Variants in KLHL40 observed in about 807,000 individuals in gnomAD.
The protein encoded by KLHL40 is kelch-like protein 40.
KLHL40 carries 44 observed loss-of-function variants against 49.7 expected under a neutral mutation model. The observed-to-expected ratio is 0.89, with a 90% CI of 0.70 to 1.14. The LOEUF (loss-of-function observed/expected upper bound fraction) is 1.14, where lower values mean the gene tolerates loss of function less well. Among genes scored for constraint, KLHL40 ranks in the 50% most tolerant of loss-of-function variants. KLHL40 has a pLI of 0.00. For synonymous variants in KLHL40, 409 were observed against 365.2 expected, an observed-to-expected ratio of 1.12 and a Z score of -1.37; for missense variants, 892 against 850.3, an observed-to-expected ratio of 1.05 and a Z score of -0.61.
chr3:42,691,847 T>G (rs934431858), intron 5 of KLHL40, 35 bp from the exon 6 acceptor site: 2 of 1,389,756 alleles, frequency 1.4e-6, no homozygotes, highest in Non-Finnish European at 2.0e-6. Context: ...CTGACCAAGC[T>G]CTCCATCCTT....
chr3:42,692,225 G>T lies in KLHL40; in HGVS notation c.*232G>T, dbSNP rs1268431320. 9.4e-6 allele frequency: 5 copies of T among 531,962 alleles called. No individual in the cohort carries two copies. Among genetic ancestry groups the T allele is most frequent in the Non-Finnish European group, 1.7e-5 (5 of 296,480 alleles). The allele number at this position is 531,962 out of a possible 1,614,324, so 33.0% of individuals were successfully genotyped here. A position where few individuals can be genotyped will look rare whatever the true frequency, so the allele number is the denominator to read the frequency against. ...CAGTGTTGCCATATCCCCCTAGGTT[G>T]TCTTGATCCATGAACCAGAACCACA... On this transcript the variant is annotated 3_prime_UTR_variant, in exon 6 of 6. Coordinates refer to ENST00000287777, the MANE Select transcript of KLHL40 (RefSeq NM_152393.4).
rs1391145273 is a variant in KLHL40, at chr3:42,692,166, C to T, written c.*173C>T. The T allele has an allele frequency of 1.0e-5, 6 of 594,198 alleles. No individual in the cohort carries two copies. In the Middle Eastern group the frequency reaches 1.3e-3, roughly 132 times the overall value. 36.8% of individuals were successfully genotyped at this position (594,198 alleles called of 1,614,324 possible). The stretch of plus-strand genomic sequence containing the variant: ...AAGGGAAGTGCTGCTTAGTCCTGGA[C>T]TTTTGGGCAAGGGTGAGAAACTAGA... On this transcript the variant is annotated 3_prime_UTR_variant, in exon 6 of 6. Coordinates refer to ENST00000287777, the MANE Select transcript of KLHL40 (RefSeq NM_152393.4).
At position 42,686,041 on chromosome 3, in the gene KLHL40, CCTGCTCG is replaced by C; in HGVS notation, c.424_430del (p.Leu142ThrfsTer55). Reference sequence around the variant, plus strand: ...GCTTGGCCGTCTTCCGTCTCGGCCTCCTGCTCGACTGCGCGCGTCTCGCCGTGGCTGC... The same window carrying C: ...GCTTGGCCGTCTTCCGTCTCGGCCTCACTGCGCGCGTCTCGCCGTGGCTGC... On this transcript the variant is annotated frameshift_variant, in exon 1 of 6. Transcript: ENST00000287777. LOFTEE classifies it high-confidence loss of function. 1 of 1,608,204 alleles carries C rather than the reference CCTGCTCG, an allele frequency of 6.2e-7. No individual in the cohort carries two copies. Among genetic ancestry groups the C allele is most frequent in the African/African-American group, 1.3e-5 (1 of 75,056 alleles).
rs1697363905 is a variant in KLHL40 at position 42,691,360 on chromosome 3, C to A, written c.1754+355C>A. ...GGTGCTTGGTCTGGAGGGAGGGCTGCCACTAGGGCTGGGAAACAGTTGGAG... is the reference window on the plus strand; with the variant it reads ...GGTGCTTGGTCTGGAGGGAGGGCTGACACTAGGGCTGGGAAACAGTTGGAG... On this transcript the variant is annotated intron_variant, in intron 5 of 5. Coordinates refer to ENST00000287777, the MANE Select transcript of KLHL40 (RefSeq NM_152393.4). Among the ~76,000 whole-genome samples the A allele has an allele frequency of 3.9e-5, 6 of 152,186 alleles. 1 individual carries two copies. The South Asian group carries it at 1.2e-3, about 32-fold the overall frequency.
At position 42,685,631 on chromosome 3, in the gene KLHL40, T is replaced by C. The variant is rs780397905; in HGVS notation, c.13T>C (p.Leu5=). The C allele has an allele frequency of 1.2e-4, 193 of 1,599,694 alleles. No homozygotes were observed. The highest frequency in any genetic ancestry group is 1.6e-4 in the Non-Finnish European group (190 of 1,173,352). Residue 5 remains leucine (L), a synonymous_variant, in exon 1 of 6, where the codon TTG becomes CTG. Coordinates refer to ENST00000287777, the MANE Select transcript of KLHL40 (RefSeq NM_152393.4). MALG[L]EQAEEQRLYQ... is the part of the protein sequence containing the mutation. ...TAGGCCACCCACCATGGCGCTGGGCTTGGAGCAGGCGGAGGAGCAGCGGTT... is the reference window on the plus strand; with the variant it reads ...TAGGCCACCCACCATGGCGCTGGGCCTGGAGCAGGCGGAGGAGCAGCGGTT...
Position 42,685,745 on chromosome 3 carries a change from G to C in KLHL40, c.127G>C (p.Glu43Gln). 1 of 1,612,698 alleles carries C rather than the reference G, an allele frequency of 6.2e-7. No homozygotes were observed. The highest frequency in any genetic ancestry group is 1.1e-5 in the South Asian group (1 of 91,072). The change falls in exon 1 of 6, where the codon GAG becomes CAG. Residue 43 changes from glutamate (E) to glutamine (Q), a missense_variant. Coordinates refer to ENST00000287777, the MANE Select transcript of KLHL40 (RefSeq NM_152393.4). Reference protein sequence around the residue: ...LDCVVRAGEREFPCHRLVLAA... With the variant: ...LDCVVRAGERQFPCHRLVLAA... ...CTGTGTGGTGCGGGCGGGCGAGCGCGAGTTCCCGTGCCATCGCCTGGTGCT... is the reference window on the plus strand; with the variant it reads ...CTGTGTGGTGCGGGCGGGCGAGCGCCAGTTCCCGTGCCATCGCCTGGTGCT...
rs1697300469 is a variant in KLHL40, at chr3:42,688,106, T to G, written c.1153-36T>G. 2.5e-6 allele frequency: 4 copies of G among 1,607,340 alleles called. No individual in the cohort carries two copies. Among genetic ancestry groups the G allele is most frequent in the African/African-American group, 2.7e-5 (2 of 73,132 alleles). ...TGGGGCTGGGCTGAGGCTGGGGGAG[T>G]GGGGGGCGGTAGCTGACTGGACACC... On this transcript the variant is annotated intron_variant, in intron 1 of 5. Coordinates refer to ENST00000287777, the MANE Select transcript of KLHL40 (RefSeq NM_152393.4). This position sits in a 1 kb window ranked among gnomAD's most constrained non-coding sequence, Gnocchi z 4.2.
chr3:42,691,904 T>C lies in KLHL40; in HGVS notation c.1777T>C (p.Trp593Arg). Residue 593 changes from tryptophan to arginine, a missense_variant, in exon 6 of 6, where the codon TGG becomes CGG. Trp to Arg is a moderately radical substitution (Grantham distance 101). Coordinates refer to ENST00000287777, the MANE Select transcript of KLHL40 (RefSeq NM_152393.4). The stretch of plus-strand genomic sequence containing the variant: ...CAGGTATAACGAGGAGGAGAAGAAA[T>C]GGGAGGGTGTCCTGCGGGAGATCGC... Reference protein sequence around the residue: ...IWRYNEEEKKWEGVLREIAYA... With the variant: ...IWRYNEEEKKREGVLREIAYA... 1 of 1,612,860 alleles carries C rather than the reference T, an allele frequency of 6.2e-7. No individual in the cohort carries two copies. The highest frequency in any genetic ancestry group is 8.5e-7 in the Non-Finnish European group (1 of 1,178,900).
chr3:42,685,562 G>A lies in KLHL40; in HGVS notation c.-57G>A, dbSNP rs1697254424. The A allele has an allele frequency of 2.7e-6, 4 of 1,484,518 alleles. No homozygotes were observed. Among genetic ancestry groups the A allele is most frequent in the Middle Eastern group, 1.8e-4 (1 of 5,482 alleles). The allele number at this position is 1,484,518 out of a possible 1,614,324, so 92.0% of individuals were successfully genotyped here. A position where few individuals can be genotyped will look rare whatever the true frequency, so the allele number is the denominator to read the frequency against. The stretch of plus-strand genomic sequence containing the variant: ...AGTCTAAGCAAACCCCAGCAGGAAA[G>A]CAGGGGTACAGAGAGGAGCCCCCTT... On this transcript the variant is annotated 5_prime_UTR_variant, in exon 1 of 6. Coordinates refer to ENST00000287777, the MANE Select transcript of KLHL40 (RefSeq NM_152393.4).
chr3:42,689,163 C>A lies in KLHL40; in HGVS notation c.1607+109C>A, dbSNP rs563848876. On this transcript the variant is annotated intron_variant, in intron 4 of 5. Transcript: ENST00000287777. ...TTGGGTCTCCAGTGTTGACTTTGGA[C>A]ATCAGTATAGAAATAGGCTTTCTCT... 7.7e-5 allele frequency: 73 copies of A among 951,978 alleles called. No homozygotes were observed. The African/African-American group carries it at 1.1e-3, about 14-fold the overall frequency. 59.0% of individuals were successfully genotyped at this position (951,978 alleles called of 1,614,324 possible).
chr3:42,685,858 C>A lies in KLHL40; in HGVS notation c.240C>A (p.Asp80Glu), dbSNP rs1216266204. 6.2e-7 allele frequency: 1 copy of A among 1,613,156 alleles called. No homozygotes were observed. Among genetic ancestry groups the A allele is most frequent in the Admixed American group, 1.7e-5 (1 of 60,032 alleles). ...TGCACCTGGAGGAGGTGTCCCCGGACGTGGTGGCCCAGGTGCTGCACTACC... is the reference window on the plus strand; with the variant it reads ...TGCACCTGGAGGAGGTGTCCCCGGAAGTGGTGGCCCAGGTGCTGCACTACC... ...GELHLEEVSP[D>E]VVAQVLHYLY... The change falls in exon 1 of 6, where the codon GAC (aspartate) becomes GAA (glutamate). Residue 80 changes from aspartate to glutamate, a missense_variant. Asp to Glu is a conservative substitution (Grantham distance 45). Transcript: ENST00000287777.
In KLHL40 at chr3:42,688,190, C is replaced by A; in HGVS notation, c.1201C>A (p.Pro401Thr). ...EWLGMPPLPS[P>T]RCLFGLGEAL... Reference sequence around the variant, plus strand: ...GCTGGGGATGCCACCGCTGCCCTCGCCCCGCTGCCTCTTTGGCCTGGGAGA... The same window carrying A: ...GCTGGGGATGCCACCGCTGCCCTCGACCCGCTGCCTCTTTGGCCTGGGAGA... The change falls in exon 2 of 6, where the codon CCC becomes ACC. Residue 401 changes from proline to threonine, a missense_variant. By Grantham distance (38) the Pro-to-Thr change is conservative. Coordinates refer to ENST00000287777, the MANE Select transcript of KLHL40 (RefSeq NM_152393.4). The surrounding 1 kb of genome is among the most constrained non-coding windows in gnomAD (Gnocchi z 4.2). The A allele has an allele frequency of 6.2e-7, 1 of 1,613,856 alleles. No homozygotes were observed. Among genetic ancestry groups the A allele is most frequent in the Non-Finnish European group, 8.5e-7 (1 of 1,180,010 alleles).
In KLHL40 at chr3:42,686,391, A is replaced by C. The variant is rs539725863; in HGVS notation, c.773A>C (p.Lys258Thr). Residue 258 changes from lysine (K) to threonine (T), a missense_variant, in exon 1 of 6, where the codon AAG (lysine) becomes ACG (threonine). Transcript: ENST00000287777. ...TTGCTGCGCAAGGTGCAGATGGTGA[A>C]GGATGCACACGAGGGCCGCATCACC... Reference protein sequence around the residue: ...PELLRKVQMVKDAHEGRITTL... With the variant: ...PELLRKVQMVTDAHEGRITTL... 7.4e-6 allele frequency: 12 copies of C among 1,613,546 alleles called. No individual in the cohort carries two copies. The highest frequency in any genetic ancestry group is 1.0e-5 in the Non-Finnish European group (12 of 1,179,972).
rs547599401 is a variant in KLHL40, at chr3:42,692,145, G to T, written c.*152G>T. The T allele has an allele frequency of 4.2e-5, 26 of 621,160 alleles. No homozygotes were observed. Among genetic ancestry groups the T allele is most frequent in the Admixed American group, 1.3e-4 (5 of 37,932 alleles). 38.5% of individuals were successfully genotyped at this position (621,160 alleles called of 1,614,324 possible). A position where few individuals can be genotyped will look rare whatever the true frequency, so the allele number is the denominator to read the frequency against. On this transcript the variant is annotated 3_prime_UTR_variant, in exon 6 of 6. Coordinates refer to ENST00000287777, the MANE Select transcript of KLHL40 (RefSeq NM_152393.4). ...AGGGGCTGCGTCAGCCAAGGAAAGG[G>T]AAGTGCTGCTTAGTCCTGGACTTTT... is the stretch of plus-strand genomic sequence containing the variant.
At chr3:42,690,513 G>C (rs1026706526) in intron 4 of KLHL40, among the ~76,000 whole-genome samples, 2 of 152,168 alleles carry the variant, frequency 1.3e-5, no homozygotes, top group Non-Finnish European at 2.9e-5. Context: ...GGGGCAAAAG[G>C]ACTGCGTCCA....
rs757050558 is a variant in KLHL40 at position 42,688,839 on chromosome 3, C to A, written c.1422-30C>A. Reference sequence around the variant, plus strand: ...GAGGCGTGGCTGGGCTCCTGCTTCTCTCCACCCATCCCCACCCTCCACCCC... The same window carrying A: ...GAGGCGTGGCTGGGCTCCTGCTTCTATCCACCCATCCCCACCCTCCACCCC... On this transcript the variant is annotated intron_variant, in intron 3 of 5. Transcript: ENST00000287777. This position sits in a 1 kb window ranked among gnomAD's most constrained non-coding sequence, Gnocchi z 4.2. 3.7e-6 allele frequency: 6 copies of A among 1,607,606 alleles called. No homozygotes were observed. Among genetic ancestry groups the A allele is most frequent in the Non-Finnish European group, 5.1e-6 (6 of 1,174,534 alleles).
At position 42,686,030 on chromosome 3, in the gene KLHL40, C is replaced by T. The variant is rs752541165; in HGVS notation, c.412C>T (p.Arg138Cys). 18 of 1,609,080 alleles carry T rather than the reference C, an allele frequency of 1.1e-5. No homozygotes were observed. Among genetic ancestry groups the T allele is most frequent in the Non-Finnish European group, 1.5e-5 (18 of 1,179,958 alleles). ...CCTCTCCAACTGCTTGGCCGTCTTCCGTCTCGGCCTCCTGCTCGACTGCGC... is the reference window on the plus strand; with the variant it reads ...CCTCTCCAACTGCTTGGCCGTCTTCTGTCTCGGCCTCCTGCTCGACTGCGC... The part of the protein sequence containing the change: ...LCLSNCLAVF[R>C]LGLLLDCARL... Residue 138 changes from arginine to cysteine, a missense_variant, in exon 1 of 6, where the codon CGT becomes TGT. By Grantham distance (180) the Arg-to-Cys change is radical (BLOSUM62 -3). Transcript: ENST00000287777.
In KLHL40 at chr3:42,688,971, T is replaced by C. The variant is rs1218296322; in HGVS notation, c.1524T>C (p.His508=). 3 of 1,614,162 alleles carry C rather than the reference T, an allele frequency of 1.9e-6. No homozygotes were observed. Among genetic ancestry groups the C allele is most frequent in the Non-Finnish European group, 2.5e-6 (3 of 1,179,992 alleles). The change falls in exon 4 of 6, where the codon CAT becomes CAC. Residue 508 remains histidine, a synonymous_variant. Transcript: ENST00000287777. The surrounding 1 kb of genome is among the most constrained non-coding windows in gnomAD (Gnocchi z 4.2). ...TARSLFGATV[H]DGRIIVAAGV... ...GCTCACTCTTTGGGGCCACTGTCCA[T>C]GATGGCCGCATTATCGTGGCAGCTG...
rs762299711 is a variant in KLHL40 at position 42,686,758 on chromosome 3, A to G, written c.1140A>G (p.Ala380=). Reference sequence around the variant, plus strand: ...ACAACAAAGAGGACCCCATGAGCGCATACTTCCTGCAGGTGCCTGACCAGC... The same window carrying G: ...ACAACAAAGAGGACCCCATGAGCGCGTACTTCCTGCAGGTGCCTGACCAGC... ...NEDNKEDPMS[A]YFLQFDHLDS... is the part of the protein sequence containing the mutation. The change falls in exon 1 of 6, where the codon GCA becomes GCG. Residue 380 remains alanine, a synonymous_variant. Transcript: ENST00000287777. 1 of 1,609,176 alleles carries G rather than the reference A, an allele frequency of 6.2e-7. No homozygotes were observed. The highest frequency in any genetic ancestry group is 8.5e-7 in the Non-Finnish European group (1 of 1,177,868).
Sources: allele counts gnomAD v4.1 joint callset (sites outside exome capture counted in the v4.1 genomes callset), GRCh38; gene constraint gnomAD v4.1.1; non-coding constraint Gnocchi (gnomAD v3.1); transcripts MANE v1.5; gene names NCBI Gene and HGNC (gene_info 2026-07-23, HGNC 2026-07-21).